GOSR1: variants seen among roughly 807,000 people sequenced by gnomAD.
The protein encoded by GOSR1 is golgi SNAP receptor complex member 1.
GOSR1 carries 21 observed loss-of-function variants against 35.5 expected under a neutral mutation model. That is an observed-to-expected ratio of 0.59 (90% CI 0.42 to 0.85). The LOEUF is 0.85. Ranked by LOEUF, GOSR1 falls within the 40% of genes least tolerant of loss-of-function variation. The pLI, the probability that GOSR1 is intolerant of heterozygous loss-of-function variation, is 0.00. For synonymous variants in GOSR1, 94 were observed against 106.6 expected (o/e 0.88, Z 0.73); for missense variants, 285 against 309.6 (o/e 0.92, Z 0.60).
intron 6 of GOSR1, among the ~76,000 whole-genome samples, chr17:30,508,588 G>A (rs1460863737): frequency 6.6e-6 from 1 of 152,096 alleles, no homozygotes; most frequent in Non-Finnish European, 1.5e-5. Flanking sequence ...GCCCTTCAGG[G>A]GTGCTTCTAT....
At chr17:30,510,727 A>G (rs1470050623) in intron 6 of GOSR1, 153 bp from the exon 7 acceptor site, 2 of 515,990 alleles carry the variant, frequency 3.9e-6, no homozygotes, top group Non-Finnish European at 7.1e-6. Context: ...AAAGAAAAAA[A>G]TTAGAGTCCA....
At chr17:30,488,288 C>T (rs1184361422) in intron 4 of GOSR1, among the ~76,000 whole-genome samples, 1 of 151,192 alleles carries the variant, frequency 6.6e-6, no homozygotes, top group Non-Finnish European at 1.5e-5. Context: ...CCTCAGCCTC[C>T]CGAGTAGCTG....
At chr17:30,504,161 G>A (rs1310452459) in intron 6 of GOSR1, among the ~76,000 whole-genome samples, 1 of 151,924 alleles carries the variant, frequency 6.6e-6, no homozygotes, top group Non-Finnish European at 1.5e-5. Flanking sequence ...CGAGTAGCTG[G>A]GATTACAGGC....
intron 7 of GOSR1, among the ~76,000 whole-genome samples, chr17:30,519,539 T>C (rs958114400): frequency 1.3e-5 from 2 of 152,188 alleles, no homozygotes; most frequent in African/African-American, 4.8e-5. Context: ...TTTTTATAAT[T>C]ATAATTCCCT....
At chr17:30,477,858 C>T (rs1295390790) in intron 1 of GOSR1, 2 of 984,686 alleles carry the variant, frequency 2.0e-6, no homozygotes, top group African/African-American at 3.5e-5. Context: ...GAGGAGTCAG[C>T]GCATTGGAGC....
intron 7 of GOSR1, among the ~76,000 whole-genome samples, chr17:30,512,109 T>A (rs1967637505): frequency 6.6e-6 from 1 of 152,202 alleles, no homozygotes; most frequent in Non-Finnish European, 1.5e-5. Flanking sequence ...AGGTTTTGGG[T>A]CTGATTTGGT....
In GOSR1 at chr17:30,526,301, CT is replaced by C. The variant is rs1350365337; in HGVS notation, c.*3927del. On this transcript the variant is annotated 3_prime_UTR_variant, in exon 9 of 9. Coordinates refer to ENST00000451249, the MANE Select transcript of GOSR1 (RefSeq NM_001007025.2). ...TATAATGAATCTTTCCTTTTTGGTC[CT>C]TTTAAGTAACCACTCAAAACTTTTC... The C allele has an allele frequency of 6.6e-6, 1 of 152,110 alleles. No individual in the cohort carries two copies. The highest frequency in any genetic ancestry group is 1.5e-5 in the Non-Finnish European group (1 of 68,018). 9.4% of individuals were successfully genotyped at this position (152,110 alleles called of 1,614,324 possible).
chr17:30,501,931 A>G (rs1244177498), intron 6 of GOSR1, among the ~76,000 whole-genome samples: 1 of 152,260 alleles, frequency 6.6e-6, no homozygotes, highest in Non-Finnish European at 1.5e-5. Context: ...AGCTTTATTC[A>G]TAATTGCCAA....
chr17:30,516,618 T>A (rs1967827785), intron 7 of GOSR1, among the ~76,000 whole-genome samples: 1 of 152,246 alleles, frequency 6.6e-6, no homozygotes, highest in South Asian at 2.1e-4. Context: ...TGTTTGTTTC[T>A]GTAATTATTA....
At chr17:30,491,066 G>A (rs1254418408) in intron 5 of GOSR1, among the ~76,000 whole-genome samples, 3 of 152,164 alleles carry the variant, frequency 2.0e-5, no homozygotes, top group Non-Finnish European at 4.4e-5. Flanking sequence ...TATTGTAACA[G>A]TAACAGTTTC....
intron 7 of GOSR1, among the ~76,000 whole-genome samples, chr17:30,517,023 T>A (rs1967844857): frequency 6.6e-6 from 1 of 152,192 alleles, no homozygotes; most frequent in Non-Finnish European, 1.5e-5. Flanking sequence ...CCCTAACTCA[T>A]TTTTTTAAAT....
At chr17:30,486,402 A>C (rs1914687116) in intron 4 of GOSR1, among the ~76,000 whole-genome samples, 1 of 152,000 alleles carries the variant, frequency 6.6e-6, no homozygotes, top group Non-Finnish European at 1.5e-5. Flanking sequence ...CTGTTATCCC[A>C]GCTACTTGGG....
At chr17:30,482,336 G>A (rs1054668089) in intron 2 of GOSR1, among the ~76,000 whole-genome samples, 2 of 152,034 alleles carry the variant, frequency 1.3e-5, no homozygotes, top group South Asian at 4.1e-4. Context: ...ATTTGATGAT[G>A]GCCATTGTTT....
chr17:30,492,791 C>T (rs1390197395), intron 6 of GOSR1, 38 bp downstream of exon 6: 7 of 1,180,512 alleles, frequency 5.9e-6, no homozygotes, highest in Admixed American at 3.4e-5. Context: ...TGGTTTTCCA[C>T]GTTTATTAAT....
intron 4 of GOSR1, 194 bp downstream of exon 4, chr17:30,484,964 A>G (rs1914588887): frequency 1.6e-6 from 1 of 611,216 alleles, no homozygotes; most frequent in Admixed American, 2.7e-5. Flanking sequence ...AATATCTAAT[A>G]GCTCTTGCTA....
intron 2 of GOSR1, among the ~76,000 whole-genome samples, chr17:30,482,595 A>T (rs1257264518): frequency 6.6e-6 from 1 of 152,216 alleles, no homozygotes; most frequent in Non-Finnish European, 1.5e-5. Flanking sequence ...CTTAGATTTG[A>T]ATCTAGATCT....
chr17:30,477,784 C>CT, intron 1 of GOSR1: 1 of 985,114 alleles, frequency 1.0e-6, no homozygotes, highest in Non-Finnish European at 1.2e-6. Flanking sequence ...GACGAAGGGG[C>CT]TTGGGGTACG....
At position 30,492,676 on chromosome 17, in the gene GOSR1, C is replaced by G; in HGVS notation, c.435-3C>G. 6.5e-7 allele frequency: 1 copy of G among 1,548,922 alleles called. No individual in the cohort carries two copies. Among genetic ancestry groups the G allele is most frequent in the Admixed American group, 1.7e-5 (1 of 59,588 alleles). On this transcript the variant is annotated splice_region_variant and splice_polypyrimidine_tract_variant and intron_variant, in intron 5 of 8. Transcript: ENST00000451249. Reference sequence around the variant, plus strand: ...TGTTTTTAAATTTTCTCTTTTGTCCCAGGTCATATAAAAGTGGGTCTGGAG... The same window carrying G: ...TGTTTTTAAATTTTCTCTTTTGTCCGAGGTCATATAAAAGTGGGTCTGGAG...
At chr17:30,482,022 A>G (rs1914389458) in intron 2 of GOSR1, among the ~76,000 whole-genome samples, 1 of 152,040 alleles carries the variant, frequency 6.6e-6, no homozygotes, top group African/African-American at 2.4e-5. Flanking sequence ...GACAGTTACA[A>G]AGAATAATAT....
Sources: allele counts gnomAD v4.1 joint callset (sites outside exome capture counted in the v4.1 genomes callset), GRCh38; gene constraint gnomAD v4.1.1; transcripts MANE v1.5; gene names NCBI Gene and HGNC (gene_info 2026-07-23, HGNC 2026-07-21).